Variants in UST observed in about 807,000 individuals in gnomAD.
The protein encoded by UST is chondroitin sulfate 2-O-sulfotransferase.
A neutral mutation model predicts 45.6 loss-of-function variants in UST; 21 were observed. The ratio of observed to expected loss-of-function variants is 0.46; its 90% CI spans 0.33 to 0.66. The LOEUF is 0.66. Among genes scored for constraint, UST ranks in the 30% least tolerant of loss-of-function variants. The pLI is 0.02. For synonymous variants in UST, 215 were observed against 200.6 expected (o/e 1.07, Z -0.61); for missense variants, 463 against 512.4 (o/e 0.90, Z 0.93).
intron 1 of UST, among the ~76,000 whole-genome samples, chr6:148,841,576 G>GTGTTTTT (rs1777891202): frequency 8.0e-6 from 1 of 125,202 alleles, no homozygotes; most frequent in Non-Finnish European, 1.7e-5. Context: ...AAGGGGGTCT[G>GTGTTTTT]TTTTGTTTTT....
chr6:148,997,609 C>G (rs1252041468), intron 5 of UST, among the ~76,000 whole-genome samples: 1 of 152,156 alleles, frequency 6.6e-6, no homozygotes, highest in East Asian at 1.9e-4. Context: ...AACATAAACC[C>G]CAGTTCATAT....
At chr6:148,877,918 A>G (rs1582872018) in intron 1 of UST, among the ~76,000 whole-genome samples, 1 of 34,908 alleles carries the variant, frequency 2.9e-5, no homozygotes, top group Non-Finnish European at 4.9e-5. Flanking sequence ...GAGTGCGGAG[A>G]TTGTGTATGA....
chr6:148,831,727 T>A (rs1024608170), intron 1 of UST, among the ~76,000 whole-genome samples: 1 of 152,124 alleles, frequency 6.6e-6, no homozygotes, highest in Non-Finnish European at 1.5e-5. Flanking sequence ...CCAAGGAGTT[T>A]AAGGCTGCAG....
At chr6:148,933,957 T>C (rs933572965) in intron 2 of UST, among the ~76,000 whole-genome samples, 2 of 152,172 alleles carry the variant, frequency 1.3e-5, no homozygotes, top group African/African-American at 4.8e-5. Flanking sequence ...GGAACTTTGT[T>C]TTTTCTGTTT....
intron 1 of UST, among the ~76,000 whole-genome samples, chr6:148,811,897 T>G (rs74895622): frequency 0.012 from 1,855 of 152,302 alleles, 32 homozygotes; most frequent in African/African-American, 0.043. Context: ...GCAAGGAGTG[T>G]CAGAGAGGTT....
At chr6:149,030,805 G>A (rs541241651) in intron 7 of UST, among the ~76,000 whole-genome samples, 125 of 152,162 alleles carry the variant, frequency 8.2e-4, no homozygotes, top group African/African-American at 2.8e-3. Flanking sequence ...AATACACACA[G>A]AAAAAAATAA....
chr6:149,032,753 A>C (rs535927005), intron 7 of UST, among the ~76,000 whole-genome samples: 123 of 151,852 alleles, frequency 8.1e-4, no homozygotes, highest in African/African-American at 2.9e-3. Context: ...CTCTGTGTCT[A>C]CCCCAGTTAC....
At chr6:148,869,940 A>T (rs566745980) in intron 1 of UST, among the ~76,000 whole-genome samples, 5 of 152,158 alleles carry the variant, frequency 3.3e-5, no homozygotes, top group Non-Finnish European at 7.3e-5. Context: ...TATTTTACCC[A>T]TTTAAAATTA....
chr6:148,942,222 G>A (rs1185132421), intron 3 of UST, among the ~76,000 whole-genome samples: 2 of 152,080 alleles, frequency 1.3e-5, no homozygotes, highest in African/African-American at 2.4e-5. Flanking sequence ...CACCCAATGA[G>A]TGGTACCTGC....
At chr6:148,950,162 G>C (rs1194633219) in intron 3 of UST, among the ~76,000 whole-genome samples, 1 of 152,112 alleles carries the variant, frequency 6.6e-6, no homozygotes. Context: ...CCCTTGGAAG[G>C]CTTGGCAAAA....
intron 1 of UST, among the ~76,000 whole-genome samples, chr6:148,832,648 A>T (rs1455889994): frequency 6.6e-6 from 1 of 152,218 alleles, no homozygotes; most frequent in East Asian, 1.9e-4. Context: ...GAGCATTTTC[A>T]TCAGAAGTCC....
intron 7 of UST, among the ~76,000 whole-genome samples, chr6:149,064,639 T>C (rs1363320592): frequency 2.0e-5 from 3 of 152,226 alleles, no homozygotes; most frequent in Admixed American, 2.0e-4. Context: ...GCACTTACTC[T>C]CTAGGTTTAT....
chr6:148,892,859 A>G (rs1779046428), intron 2 of UST, among the ~76,000 whole-genome samples: 1 of 152,232 alleles, frequency 6.6e-6, no homozygotes, highest in Admixed American at 6.5e-5. Flanking sequence ...TATAGGAATA[A>G]TAAAATTACA....
At chr6:149,066,475 A>G (rs969732284) in intron 7 of UST, among the ~76,000 whole-genome samples, 32 of 151,506 alleles carry the variant, frequency 2.1e-4, no homozygotes, top group African/African-American at 7.8e-4. Flanking sequence ...AGAGAAGGAA[A>G]CTCCAAGGAG....
At chr6:148,761,296 C>A (rs1373416102) in intron 1 of UST, among the ~76,000 whole-genome samples, 1 of 152,174 alleles carries the variant, frequency 6.6e-6, no homozygotes, top group African/African-American at 2.4e-5. Context: ...AGCACCCTGC[C>A]TTCTGCTCCG....
rs191841029 is a variant in UST, at chr6:148,758,406, G to C, written c.247+10729G>C. On this transcript the variant is annotated intron_variant, in intron 1 of 7. Coordinates refer to ENST00000367463, the MANE Select transcript of UST (RefSeq NM_005715.3). Reference sequence around the variant, plus strand: ...TATCCACACTACTTTTTTTGTTCCTGCATTCACAAAATAAAAATAGCTGTG... The same window carrying C: ...TATCCACACTACTTTTTTTGTTCCTCCATTCACAAAATAAAAATAGCTGTG... 1.3e-3 allele frequency among the ~76,000 whole-genome samples: 194 copies of C among 152,106 alleles called. 1 individual carries two copies. The highest frequency in any genetic ancestry group is 4.5e-3 in the African/African-American group (187 of 41,478).
chr6:149,035,943 T>A (rs1285182764), intron 7 of UST, among the ~76,000 whole-genome samples: 1 of 152,098 alleles, frequency 6.6e-6, no homozygotes, highest in East Asian at 1.9e-4. Flanking sequence ...CACGGAAAAA[T>A]TATCCAAACA....
intron 2 of UST, among the ~76,000 whole-genome samples, chr6:148,939,262 G>C (rs1780079454): frequency 6.6e-6 from 1 of 152,112 alleles, no homozygotes; most frequent in Non-Finnish European, 1.5e-5. Context: ...TGTTAAGGTG[G>C]CTGTCGTAAT....
At chr6:148,759,798 A>T (rs1776174355) in intron 1 of UST, among the ~76,000 whole-genome samples, 2 of 146,944 alleles carry the variant, frequency 1.4e-5, no homozygotes, top group Admixed American at 1.4e-4. Context: ...CAGTGAGACA[A>T]GATCGCACCA....
Sources: gnomAD v4.1 joint callset for allele counts (sites outside exome capture counted in the v4.1 genomes callset) on GRCh38, gnomAD v4.1.1 for gene constraint, MANE v1.5 for transcripts, NCBI Gene and HGNC (gene_info 2026-07-23, HGNC 2026-07-21) for gene names.